The following UTRN variants were observed in gnomAD, a reference collection of about 807,000 sequenced individuals.
The protein encoded by UTRN is utrophin, also known as dystrophin-related protein 1.
Under a neutral mutation model 463.9 loss-of-function variants are expected in UTRN, and 283 were observed. That is an observed-to-expected ratio of 0.61 (90% CI 0.55 to 0.67). The LOEUF (loss-of-function observed/expected upper bound fraction) is 0.67, where lower values mean the gene tolerates loss of function less well. Among genes scored for constraint, UTRN ranks in the 30% least tolerant of loss-of-function variants. The pLI is 0.00. For missense variants in UTRN, 3,922 were observed against 4,084.3 expected (o/e 0.96, Z 1.08); for synonymous variants, 1,442 against 1,431.5 (o/e 1.01, Z -0.17).
intron 3 of UTRN, among the ~76,000 whole-genome samples, chr6:144,419,981 C>G (rs1197441386): frequency 6.6e-6 from 1 of 151,614 alleles, no homozygotes; most frequent in Non-Finnish European, 1.5e-5. Flanking sequence ...CAGACACACA[C>G]ACACACACAC....
intron 62 of UTRN, among the ~76,000 whole-genome samples, chr6:144,793,396 A>G (rs1005340624): frequency 6.6e-6 from 1 of 152,130 alleles, no homozygotes; most frequent in African/African-American, 2.4e-5. Flanking sequence ...GGCATGCACC[A>G]CAGCACCCAA....
At chr6:144,706,788 C>A (rs1025508908) in intron 53 of UTRN, 5 of 152,004 alleles carry the variant, frequency 3.3e-5, no homozygotes, top group African/African-American at 1.2e-4. Context: ...TAACAAAATT[C>A]TTTTTTTTCC....
intron 19 of UTRN, among the ~76,000 whole-genome samples, chr6:144,457,739 T>C (rs1789004342): frequency 6.6e-6 from 1 of 152,208 alleles, no homozygotes; most frequent in Non-Finnish European, 1.5e-5. Context: ...ATTATAAAAA[T>C]TTTCAAAGTT....
At chr6:144,437,246 A>G (rs576450576) in intron 10 of UTRN, among the ~76,000 whole-genome samples, 1 of 152,094 alleles carries the variant, frequency 6.6e-6, no homozygotes, top group South Asian at 2.1e-4. Context: ...GAGCCACCAC[A>G]CCCAGCCTTT....
chr6:144,441,773 T>A (rs1277370140), intron 13 of UTRN, among the ~76,000 whole-genome samples: 1 of 152,204 alleles, frequency 6.6e-6, no homozygotes, highest in Non-Finnish European at 1.5e-5. Flanking sequence ...TGCCTGGACA[T>A]CCACGTGTTT....
At chr6:144,697,498 T>C (rs992742504) in intron 52 of UTRN, among the ~76,000 whole-genome samples, 1 of 152,118 alleles carries the variant, frequency 6.6e-6, no homozygotes, top group African/African-American at 2.4e-5. Context: ...AAAATGAAAC[T>C]AGAACACTGA....
intron 34 of UTRN, among the ~76,000 whole-genome samples, chr6:144,501,166 C>T (rs1794139960): frequency 1.3e-5 from 2 of 152,030 alleles, no homozygotes; most frequent in African/African-American, 2.4e-5. Context: ...ATGCCATGAG[C>T]AGTGTGAGTG....
intron 12 of UTRN, 76 bp downstream of exon 12, chr6:144,438,971 C>G: frequency 6.8e-7 from 1 of 1,475,436 alleles, no homozygotes. Context: ...AGGCTGATGA[C>G]ATCTATCGTT....
At chr6:144,427,234 C>G (rs934840218) in intron 7 of UTRN, among the ~76,000 whole-genome samples, 2 of 151,780 alleles carry the variant, frequency 1.3e-5, no homozygotes, top group Non-Finnish European at 2.9e-5. Context: ...TTTACTTCAC[C>G]ACACTAAAAA....
Position 144,516,967 on chromosome 6 carries a change from C to G in UTRN, c.5541+19C>G. The G allele has an allele frequency of 7.0e-7, 1 of 1,432,600 alleles. No homozygotes were observed. The highest frequency in any genetic ancestry group is 9.1e-7 in the Non-Finnish European group (1 of 1,093,784). The allele number at this position is 1,432,600 out of a possible 1,614,324, so 88.7% of individuals were successfully genotyped here. On this transcript the variant is annotated intron_variant, in intron 39 of 74. Transcript: ENST00000367545. ...AATTAAGGTATTATGATTGGAGAGT[C>G]TCTGTTGCATTTAAATACCTTACTT...
intron 23 of UTRN, among the ~76,000 whole-genome samples, chr6:144,469,612 T>A (rs1313799198): frequency 6.6e-6 from 1 of 152,156 alleles, no homozygotes; most frequent in East Asian, 1.9e-4. Context: ...AGTGAAAATA[T>A]TATAGTGTGG....
rs564302632 is a variant in UTRN at position 144,410,587 on chromosome 6, C to A, written c.141+7403C>A. Among the ~76,000 whole-genome samples the A allele has an allele frequency of 3.9e-5, 6 of 152,040 alleles. No individual in the cohort carries two copies. In the East Asian group the frequency reaches 9.7e-4, roughly 25 times the overall value. ...CACCCCCACTCCCACCTGCACCCCC[C>A]GCCCAGGTCCCCAAAGTCCATTGTA... On this transcript the variant is annotated intron_variant, in intron 3 of 74. Transcript: ENST00000367545.
intron 65 of UTRN, among the ~76,000 whole-genome samples, chr6:144,808,421 T>C (rs1191233313): frequency 6.6e-6 from 1 of 152,158 alleles, no homozygotes; most frequent in Non-Finnish European, 1.5e-5. Flanking sequence ...TCGTGAAAAT[T>C]ACCCTACTCA....
chr6:144,364,171 C>T (rs985510360), intron 2 of UTRN, among the ~76,000 whole-genome samples: 4 of 152,136 alleles, frequency 2.6e-5, no homozygotes, highest in Non-Finnish European at 5.9e-5. Flanking sequence ...TCAATATTTG[C>T]GATTCCACTG....
At chr6:144,406,251 T>C (rs768133788) in intron 3 of UTRN, among the ~76,000 whole-genome samples, 4 of 152,232 alleles carry the variant, frequency 2.6e-5, no homozygotes, top group Non-Finnish European at 5.9e-5. Flanking sequence ...CTTTACCTTG[T>C]TGGAAAATTA....
intron 2 of UTRN, among the ~76,000 whole-genome samples, chr6:144,323,249 G>A (rs1775777134): frequency 1.3e-5 from 2 of 152,154 alleles, no homozygotes; most frequent in South Asian, 2.1e-4. Context: ...CTATATATAT[G>A]CCCTTCAGTA....
At chr6:144,567,075 A>C (rs1800474407) in intron 50 of UTRN, among the ~76,000 whole-genome samples, 1 of 152,148 alleles carries the variant, frequency 6.6e-6, no homozygotes, top group Admixed American at 6.6e-5. Flanking sequence ...TGAGCCTAGG[A>C]GGTGGAGATT....
intron 51 of UTRN, among the ~76,000 whole-genome samples, chr6:144,665,435 T>C (rs966716365): frequency 1.3e-5 from 2 of 152,172 alleles, no homozygotes; most frequent in Admixed American, 6.5e-5. Context: ...CTACTACTTG[T>C]AGCTTTATAA....
intron 3 of UTRN, among the ~76,000 whole-genome samples, chr6:144,408,008 A>G (rs1395356855): frequency 6.6e-6 from 1 of 152,228 alleles, no homozygotes; most frequent in Non-Finnish European, 1.5e-5. Flanking sequence ...ATTTTTTCAG[A>G]TCACCTGGTC....
Sources: allele counts gnomAD v4.1 joint callset (sites outside exome capture counted in the v4.1 genomes callset), GRCh38; gene constraint gnomAD v4.1.1; transcripts MANE v1.5; gene names NCBI Gene and HGNC (gene_info 2026-07-23, HGNC 2026-07-21).